HTR7: variants seen among roughly 807,000 people sequenced by gnomAD.
The protein encoded by HTR7 is 5-HT-7.
Under a neutral mutation model 34.0 loss-of-function variants are expected in HTR7, and 16 were observed. The ratio of observed to expected loss-of-function variants is 0.47; its 90% CI spans 0.32 to 0.71. The LOEUF (loss-of-function observed/expected upper bound fraction) is 0.71. Ranked by LOEUF, HTR7 falls within the 30% of genes least tolerant of loss-of-function variation. The probability of loss-of-function intolerance (pLI) is 0.04; values close to 1 mark genes in which losing one functional copy is unlikely to be tolerated. For missense variants in HTR7, 504 were observed against 625.5 expected (o/e 0.81, Z 2.07); for synonymous variants, 265 against 260.2 (o/e 1.02, Z -0.18).
intron 1 of HTR7, among the ~76,000 whole-genome samples, chr10:90,789,101 G>A (rs1207411473): frequency 6.6e-6 from 1 of 152,166 alleles, no homozygotes; most frequent in Non-Finnish European, 1.5e-5. Context: ...AGAGATGATG[G>A]GGACTTTCTT....
chr10:90,808,204 G>A (rs1172066156), intron 1 of HTR7, among the ~76,000 whole-genome samples: 1 of 152,088 alleles, frequency 6.6e-6, no homozygotes, highest in African/African-American at 2.4e-5. Flanking sequence ...TTCTGGGGGG[G>A]GCAAGTACCC....
chr10:90,841,032 C>A (rs1208588754), intron 1 of HTR7, among the ~76,000 whole-genome samples: 1 of 152,170 alleles, frequency 6.6e-6, no homozygotes, highest in African/African-American at 2.4e-5. Flanking sequence ...TGCTTAGAAG[C>A]AAGCAGTCTA....
chr10:90,849,489 G>A (rs1846462274), intron 1 of HTR7, among the ~76,000 whole-genome samples: 1 of 152,134 alleles, frequency 6.6e-6, no homozygotes, highest in Admixed American at 6.5e-5. Flanking sequence ...TAAACCCGAT[G>A]CAGGAAAGAA....
chr10:90,854,126 G>A (rs907196266), intron 1 of HTR7, among the ~76,000 whole-genome samples: 1 of 152,252 alleles, frequency 6.6e-6, no homozygotes, highest in Non-Finnish European at 1.5e-5. Flanking sequence ...AGCATTTTGG[G>A]AGGCCGAGGT....
chr10:90,803,441 T>C (rs746039507), intron 1 of HTR7, among the ~76,000 whole-genome samples: 16 of 152,244 alleles, frequency 1.1e-4, no homozygotes, highest in South Asian at 2.1e-4. Flanking sequence ...CCCTTACTAG[T>C]TGAATATCCC....
intron 1 of HTR7, among the ~76,000 whole-genome samples, chr10:90,758,205 C>T (rs1320270760): frequency 1.3e-5 from 2 of 151,748 alleles, no homozygotes; most frequent in Non-Finnish European, 2.9e-5. Context: ...ATTAGCTGGG[C>T]GTGGTGGCGC....
chr10:90,849,487 A>G (rs1030935425), intron 1 of HTR7, among the ~76,000 whole-genome samples: 1 of 152,208 alleles, frequency 6.6e-6, no homozygotes, highest in Admixed American at 6.5e-5. Context: ...AGTAAACCCG[A>G]TGCAGGAAAG....
intron 1 of HTR7, among the ~76,000 whole-genome samples, chr10:90,810,203 A>G (rs1397621293): frequency 6.6e-6 from 1 of 152,118 alleles, no homozygotes; most frequent in Non-Finnish European, 1.5e-5. Flanking sequence ...CACTTTAACT[A>G]AATTATCTGC....
intron 1 of HTR7, among the ~76,000 whole-genome samples, chr10:90,790,078 T>A (rs1845441416): frequency 6.6e-6 from 1 of 152,188 alleles, no homozygotes; most frequent in South Asian, 2.1e-4. Context: ...ATGAAAGAGT[T>A]AGACACAATG....
At chr10:90,830,460 G>A (rs940024833) in intron 1 of HTR7, among the ~76,000 whole-genome samples, 1 of 152,112 alleles carries the variant, frequency 6.6e-6, no homozygotes, top group East Asian at 1.9e-4. Context: ...CCTAAGTACA[G>A]CTGAGCAATA....
chr10:90,822,591 C>T (rs773672721), intron 1 of HTR7, among the ~76,000 whole-genome samples: 4 of 152,210 alleles, frequency 2.6e-5, no homozygotes, highest in Non-Finnish European at 4.4e-5. Context: ...AAGAAAAGCC[C>T]ATTTTCAGGG....
chr10:90,852,620 T>C (rs1437160947), intron 1 of HTR7, among the ~76,000 whole-genome samples: 2 of 152,188 alleles, frequency 1.3e-5, no homozygotes, highest in African/African-American at 4.8e-5. Context: ...GGTGAATGGA[T>C]AAGCAAATTA....
chr10:90,790,742 T>C (rs12264314), intron 1 of HTR7, among the ~76,000 whole-genome samples: 1,727 of 152,174 alleles, frequency 0.011, 30 homozygotes, highest in African/African-American at 0.039. Flanking sequence ...CAAGCTATTT[T>C]AAAAAATACT....
At chr10:90,788,246 C>A (rs1845411199) in intron 1 of HTR7, among the ~76,000 whole-genome samples, 1 of 152,072 alleles carries the variant, frequency 6.6e-6, no homozygotes, top group South Asian at 2.1e-4. Flanking sequence ...GATCTGATAA[C>A]CCCCCAGATT....
At chr10:90,813,614 C>T (rs1429209167) in intron 1 of HTR7, among the ~76,000 whole-genome samples, 2 of 151,982 alleles carry the variant, frequency 1.3e-5, no homozygotes, top group African/African-American at 2.4e-5. Context: ...AAAATCATTT[C>T]TTTTCTAACA....
chr10:90,801,543 C>A (rs35598406), intron 1 of HTR7, among the ~76,000 whole-genome samples: 41,999 of 152,162 alleles, frequency 0.28, 6,335 homozygotes, highest in African/African-American at 0.4. Context: ...TCTGAAGGTT[C>A]CCATGTAAAC....
intron 1 of HTR7, among the ~76,000 whole-genome samples, chr10:90,837,537 A>T (rs1846272426): frequency 6.6e-6 from 1 of 152,194 alleles, no homozygotes; most frequent in Admixed American, 6.5e-5. Flanking sequence ...TCAACATGCT[A>T]TGATGCAGCA....
intron 1 of HTR7, among the ~76,000 whole-genome samples, chr10:90,754,816 G>T (rs1009997968): frequency 4.6e-5 from 7 of 152,212 alleles, no homozygotes; most frequent in African/African-American, 1.7e-4. Context: ...GGGAGTAAAA[G>T]AAACTAGGTA....
rs756856837 is a variant in HTR7 at position 90,857,272 on chromosome 10, C to T, written c.400G>A (p.Val134Ile). 3 of 1,613,430 alleles carry T rather than the reference C, an allele frequency of 1.9e-6. No individual in the cohort carries two copies. The South Asian group carries it at 3.3e-5, about 18-fold the overall frequency. ...TCGGTGACGCTGACGAAGGGCATGA[C>T]CGCCACAGCCACCGAGAGGTCGGCC... ...ALADLSVAVA[V>I]MPFVSVTDLI... Residue 134 changes from valine to isoleucine, a missense_variant, in exon 1 of 4, where the codon GTC becomes ATC. Transcript: ENST00000336152. The surrounding 1 kb of genome is among the most constrained non-coding windows in gnomAD (Gnocchi z 6.5).
Sources: gnomAD v4.1 joint callset for allele counts (sites outside exome capture counted in the v4.1 genomes callset) on GRCh38, gnomAD v4.1.1 for gene constraint, Gnocchi (gnomAD v3.1) non-coding constraint, MANE v1.5 for transcripts, NCBI Gene and HGNC (gene_info 2026-07-23, HGNC 2026-07-21) for gene names.